Variants in DIS3L2 observed in about 807,000 individuals in gnomAD.
The protein encoded by DIS3L2 is DIS3-like exonuclease 2.
A neutral mutation model predicts 97.5 loss-of-function variants in DIS3L2; 34 were observed. The observed-to-expected ratio is 0.35, with a 90% confidence interval of 0.27 to 0.46. The LOEUF (loss-of-function observed/expected upper bound fraction) is 0.46, where lower values mean the gene tolerates loss of function less well. Ranked by LOEUF, DIS3L2 falls within the 20% of genes least tolerant of loss-of-function variation. The pLI is 1.00. For synonymous variants in DIS3L2, 435 were observed against 445.2 expected, an observed-to-expected ratio of 0.98 and a Z score of 0.29; for missense variants, 1,038 against 1,146.0, an observed-to-expected ratio of 0.91 and a Z score of 1.36.
intron 13 of DIS3L2, chr2:232,343,217 C>A: frequency 1.3e-6 from 1 of 763,082 alleles, no homozygotes; most frequent in South Asian, 1.8e-5. Flanking sequence ...CACAAAAAGG[C>A]CATGCTGTAT....
intron 1 of DIS3L2, among the ~76,000 whole-genome samples, chr2:231,970,571 G>T (rs1202858134): frequency 1.3e-5 from 2 of 152,092 alleles, no homozygotes; most frequent in Non-Finnish European, 2.9e-5. Flanking sequence ...CAATATAAAA[G>T]ATAAAAAAAT....
At chr2:232,241,165 C>A (rs575759188) in intron 11 of DIS3L2, among the ~76,000 whole-genome samples, 1 of 152,234 alleles carries the variant, frequency 6.6e-6, no homozygotes, top group Non-Finnish European at 1.5e-5. Context: ...TCTTCCTACT[C>A]GGTTTTGTTT....
At chr2:232,124,580 C>G (rs1160342964) in intron 6 of DIS3L2, among the ~76,000 whole-genome samples, 2 of 151,846 alleles carry the variant, frequency 1.3e-5, no homozygotes, top group African/African-American at 4.8e-5. Context: ...GAGGAGAAGG[C>G]AAGAGACATA....
chr2:232,165,442 A>G (rs1690774852), intron 9 of DIS3L2, among the ~76,000 whole-genome samples: 1 of 152,202 alleles, frequency 6.6e-6, no homozygotes, highest in Non-Finnish European at 1.5e-5. Context: ...AGTGACTACC[A>G]TGGAGAGTGG....
At chr2:232,249,081 A>G (rs1298118930) in intron 11 of DIS3L2, among the ~76,000 whole-genome samples, 158 bp from the exon 12 acceptor site, 3 of 152,262 alleles carry the variant, frequency 2.0e-5, no homozygotes. Context: ...GGAAAAGTAT[A>G]CAACAGTGTG....
At chr2:232,194,282 T>C (rs1272355266) in intron 9 of DIS3L2, among the ~76,000 whole-genome samples, 1 of 152,002 alleles carries the variant, frequency 6.6e-6, no homozygotes, top group Non-Finnish European at 1.5e-5. Flanking sequence ...GATACTGAAA[T>C]AGATATTGTT....
intron 5 of DIS3L2, among the ~76,000 whole-genome samples, chr2:232,035,089 A>G (rs1407411017): frequency 6.6e-6 from 1 of 152,036 alleles, no homozygotes; most frequent in East Asian, 1.9e-4. Flanking sequence ...TCTATTATTG[A>G]CAGTGGGGTG....
chr2:232,105,985 C>G (rs1457660709), intron 6 of DIS3L2, among the ~76,000 whole-genome samples: 1 of 152,092 alleles, frequency 6.6e-6, no homozygotes, highest in East Asian at 1.9e-4. Context: ...ATTCATTTTC[C>G]TTGGGTTTAC....
At chr2:232,002,802 G>C (rs1290138856) in intron 1 of DIS3L2, among the ~76,000 whole-genome samples, 1 of 152,098 alleles carries the variant, frequency 6.6e-6, no homozygotes, top group Non-Finnish European at 1.5e-5. Context: ...AGTCTCATTA[G>C]TTTCTAATTT....
chr2:232,132,960 T>G (rs912402650), intron 7 of DIS3L2, among the ~76,000 whole-genome samples: 4 of 152,138 alleles, frequency 2.6e-5, no homozygotes, highest in African/African-American at 9.7e-5. Flanking sequence ...GGGAAGCCCC[T>G]GTGTTCTCAC....
intron 1 of DIS3L2, among the ~76,000 whole-genome samples, chr2:231,999,865 T>C (rs1304132188): frequency 6.6e-6 from 1 of 152,192 alleles, no homozygotes; most frequent in East Asian, 1.9e-4. Context: ...CATGATGTTT[T>C]GCTATATGTA....
chr2:232,186,743 A>G (rs139017385), intron 9 of DIS3L2, among the ~76,000 whole-genome samples: 1 of 152,372 alleles, frequency 6.6e-6, no homozygotes, highest in Non-Finnish European at 1.5e-5. Context: ...ATGACCTAGT[A>G]TGATTTATTC....
chr2:232,341,069 C>T (rs57006375), downstream of DIS3L2: 1,873 of 386,890 alleles, frequency 4.8e-3, 29 homozygotes, highest in African/African-American at 0.035. Flanking sequence ...TGATTGCCAC[C>T]GTGGAGACAC....
Position 231,973,276 on chromosome 2 carries a change from A to G in DIS3L2, c.-94+11511A>G, listed in dbSNP as rs566998944. On this transcript the variant is annotated intron_variant, in intron 1 of 20. Coordinates refer to ENST00000325385, the MANE Select transcript of DIS3L2 (RefSeq NM_152383.5). ...AGAAGATCCGTATGTATATATTTAC[A>G]TGTTTATACACACACACACACACGT... 8.3e-5 allele frequency among the ~76,000 whole-genome samples: 11 copies of G among 133,308 alleles called. No individual in the cohort carries two copies. In the South Asian group the frequency reaches 1.8e-3, roughly 22 times the overall value. The allele number at this position is 133,308 out of a possible 152,430, so 87.5% of individuals were successfully genotyped here.
chr2:232,238,626 G>A lies in DIS3L2; in HGVS notation c.1298G>A (p.Ser433Asn), dbSNP rs1449339410. 3.1e-6 allele frequency: 5 copies of A among 1,613,864 alleles called. No homozygotes were observed. Among genetic ancestry groups the A allele is most frequent in the Non-Finnish European group, 4.2e-6 (5 of 1,179,934 alleles). ...AAAGTGGCTGCCGAGAGGGCTACAA[G>A]CGTCTACTTGGTTCAAAAGGTAAAA... is the stretch of plus-strand genomic sequence containing the variant. ...LDKVAAERAT[S>N]VYLVQKVVPM... is the part of the protein sequence containing the mutation. The change falls in exon 11 of 21, where the codon AGC becomes AAC. Residue 433 changes from serine to asparagine, a missense_variant. By Grantham distance (46) the Ser-to-Asn change is conservative. Around this residue, in one of 3 missense-constraint regions of DIS3L2, gnomAD observed 813 missense variants for 880.1 expected, o/e 0.92. Transcript: ENST00000325385.
intron 12 of DIS3L2, among the ~76,000 whole-genome samples, chr2:232,261,650 AGT>A (rs1345406832): frequency 6.6e-6 from 1 of 152,184 alleles, no homozygotes; most frequent in Non-Finnish European, 1.5e-5. Flanking sequence ...AAACCTTTGC[AGT>A]GTGACTCTGC....
intron 6 of DIS3L2, among the ~76,000 whole-genome samples, chr2:232,107,437 C>T (rs975263796): frequency 5.9e-5 from 9 of 152,172 alleles, no homozygotes; most frequent in Admixed American, 1.3e-4. Context: ...CAGTGGCTCA[C>T]GCCTGTAATC....
At chr2:232,333,093 C>T (rs893458891) in intron 16 of DIS3L2, among the ~76,000 whole-genome samples, 9 of 151,830 alleles carry the variant, frequency 5.9e-5, no homozygotes, top group Non-Finnish European at 8.8e-5. Context: ...AGGCGGCCTC[C>T]TCCTCTTCCT....
At chr2:232,294,209 C>T (rs1453508967) in intron 13 of DIS3L2, among the ~76,000 whole-genome samples, 1 of 152,186 alleles carries the variant, frequency 6.6e-6, no homozygotes, top group Non-Finnish European at 1.5e-5. Flanking sequence ...AATGCCATGC[C>T]CTGATTGGCT....
Sources: gnomAD v4.1 joint callset for allele counts (sites outside exome capture counted in the v4.1 genomes callset) on GRCh38, gnomAD v4.1.1 for gene constraint, gnomAD v4.1.1 regional missense constraint, MANE v1.5 for transcripts, NCBI Gene and HGNC (gene_info 2026-07-23, HGNC 2026-07-21) for gene names.